The following GRIK3 variants were observed in gnomAD, a reference collection of about 807,000 sequenced individuals.
The protein encoded by GRIK3 is glutamate ionotropic receptor kainate type subunit 3, also known as glutamate receptor ionotropic, kainate 3.
In GRIK3, 29 loss-of-function variants were observed where a neutral mutation model predicts 102.5. That is an observed-to-expected ratio of 0.28 (90% CI 0.21 to 0.39). GRIK3 has a LOEUF of 0.39. Ranked by LOEUF, GRIK3 falls within the 10% of genes least tolerant of loss-of-function variation. GRIK3 has a pLI of 1.00. For missense variants in GRIK3, 908 were observed against 1,252.4 expected, an observed-to-expected ratio of 0.73 and a Z score of 4.15; for synonymous variants, 511 against 504.9, an observed-to-expected ratio of 1.01 and a Z score of -0.16.
chr1:36,829,402 GT>G (rs1310209319), intron 10 of GRIK3, among the ~76,000 whole-genome samples: 2 of 149,864 alleles, frequency 1.3e-5, no homozygotes, highest in Non-Finnish European at 3.0e-5. Flanking sequence ...GGTTTTTATT[GT>G]TTTTTGTTTT....
chr1:36,845,907 T>C (rs932913652), intron 9 of GRIK3, among the ~76,000 whole-genome samples: 2 of 152,118 alleles, frequency 1.3e-5, no homozygotes, highest in Non-Finnish European at 2.9e-5. Flanking sequence ...TGGCAGGCAA[T>C]TGAGCCTATG....
chr1:37,007,929 C>T (rs1262217247), intron 1 of GRIK3, among the ~76,000 whole-genome samples: 2 of 152,316 alleles, frequency 1.3e-5, no homozygotes, highest in South Asian at 2.1e-4. Context: ...CAGAAGCCAC[C>T]GCCTGTGCTG....
chr1:36,901,194 A>G (rs1437457205), intron 1 of GRIK3, among the ~76,000 whole-genome samples: 5 of 152,216 alleles, frequency 3.3e-5, no homozygotes, highest in Non-Finnish European at 7.4e-5. Flanking sequence ...CAAGGCCAGC[A>G]CTACTCTAAT....
intron 1 of GRIK3, among the ~76,000 whole-genome samples, chr1:36,932,543 C>A (rs1225189583): frequency 1.3e-5 from 2 of 152,206 alleles, no homozygotes; most frequent in Admixed American, 1.3e-4. Context: ...ACCACAGAGG[C>A]AACACTCCCA....
chr1:37,014,719 C>T (rs961407669), intron 1 of GRIK3, among the ~76,000 whole-genome samples: 2 of 152,184 alleles, frequency 1.3e-5, no homozygotes, highest in African/African-American at 4.8e-5. Context: ...ACAGTTATCC[C>T]AATTGGGCTC....
At chr1:36,975,528 T>A (rs1018702993) in intron 1 of GRIK3, among the ~76,000 whole-genome samples, 1 of 152,196 alleles carries the variant, frequency 6.6e-6, no homozygotes, top group Non-Finnish European at 1.5e-5. Flanking sequence ...TCTCCGGACC[T>A]CGTGATCTCC....
At chr1:36,982,791 G>T (rs1178540633) in intron 1 of GRIK3, among the ~76,000 whole-genome samples, 1 of 151,036 alleles carries the variant, frequency 6.6e-6, no homozygotes, top group Non-Finnish European at 1.5e-5. Flanking sequence ...GAGGCCGGGA[G>T]AGGGAGGGAA....
intron 10 of GRIK3, among the ~76,000 whole-genome samples, chr1:36,828,537 G>A (rs1642780674): frequency 6.6e-6 from 1 of 152,220 alleles, no homozygotes. Flanking sequence ...TATAGCTGAA[G>A]TGTGTAGTAG....
At chr1:37,009,927 T>C (rs918695817) in intron 1 of GRIK3, among the ~76,000 whole-genome samples, 2 of 151,842 alleles carry the variant, frequency 1.3e-5, no homozygotes, top group African/African-American at 4.8e-5. Flanking sequence ...CTATGCCCTG[T>C]TAATGGGAGA....
intron 1 of GRIK3, among the ~76,000 whole-genome samples, chr1:36,941,924 C>G (rs539657796): frequency 6.6e-6 from 1 of 152,204 alleles, no homozygotes; most frequent in African/African-American, 2.4e-5. Flanking sequence ...CTATCCCCCC[C>G]TCACCCTGCC....
intron 2 of GRIK3, among the ~76,000 whole-genome samples, chr1:36,886,081 C>G (rs918741654): frequency 6.6e-6 from 1 of 152,240 alleles, no homozygotes; most frequent in Non-Finnish European, 1.5e-5. Flanking sequence ...CACAGACACT[C>G]TCTGCGCTGC....
rs140963144 is a variant in GRIK3, at chr1:36,930,181, C to T, written c.116-39085G>A. 8.4e-3 allele frequency among the ~76,000 whole-genome samples: 1,283 copies of T among 152,250 alleles called. 23 individuals carry two copies. Among genetic ancestry groups the T allele is most frequent in the African/African-American group, 0.029 (1,220 of 41,550 alleles). Reference sequence around the variant, plus strand: ...ATGTGGAAGAGGAATTATAAGGACACGAATACCAGGGGGAAGGATCAATGT... The same window carrying T: ...ATGTGGAAGAGGAATTATAAGGACATGAATACCAGGGGGAAGGATCAATGT... On this transcript the variant is annotated intron_variant, in intron 1 of 15. Transcript: ENST00000373091.
At chr1:36,887,028 A>T (rs1327918940) in intron 2 of GRIK3, among the ~76,000 whole-genome samples, 1 of 152,206 alleles carries the variant, frequency 6.6e-6, no homozygotes, top group Non-Finnish European at 1.5e-5. Context: ...CTAACTTTTG[A>T]TTATTACCAT....
intron 1 of GRIK3, among the ~76,000 whole-genome samples, chr1:36,978,104 G>A (rs1257737097): frequency 1.3e-5 from 2 of 152,238 alleles, no homozygotes; most frequent in Non-Finnish European, 2.9e-5. Flanking sequence ...GAAAAATTAA[G>A]TATGTTCATT....
chr1:36,880,661 C>T lies in GRIK3; in HGVS notation c.523G>A (p.Ala175Thr), dbSNP rs1326119436. The T allele has an allele frequency of 6.2e-7, 1 of 1,614,030 alleles. No individual in the cohort carries two copies. The highest frequency in any genetic ancestry group is 2.2e-5 in the East Asian group (1 of 44,892). Residue 175 changes from alanine (A) to threonine (T), a missense_variant, in exon 3 of 16, where the codon GCC (alanine) becomes ACC (threonine). Transcript: ENST00000373091. The surrounding 1 kb of genome is among the most constrained non-coding windows in gnomAD (Gnocchi z 5.4). ...DLVQYLKWRS[A>T]TVVYDDSTGL... ...GTACTGTCGTCATAGACCACGGTGG[C>T]TGACCGCCACTTGAGGTACTGGACC...
intron 1 of GRIK3, among the ~76,000 whole-genome samples, chr1:36,942,337 C>T (rs1041394745): frequency 3.3e-5 from 5 of 152,228 alleles, no homozygotes; most frequent in Non-Finnish European, 7.3e-5. Context: ...CTGATAGCAG[C>T]GTCTGCCAGC....
At chr1:37,032,525 C>A (rs1339826295) in intron 1 of GRIK3, among the ~76,000 whole-genome samples, 1 of 152,082 alleles carries the variant, frequency 6.6e-6, no homozygotes, top group Non-Finnish European at 1.5e-5. Flanking sequence ...TGGAATGGTG[C>A]CAGGCTGGGC....
intron 1 of GRIK3, among the ~76,000 whole-genome samples, chr1:36,945,680 G>T (rs887375796): frequency 5.3e-5 from 8 of 152,286 alleles, no homozygotes; most frequent in Admixed American, 2.0e-4. Context: ...GGCTTCAAAG[G>T]TTCTTTTGGT....
chr1:36,944,889 C>G (rs1030131787), intron 1 of GRIK3, among the ~76,000 whole-genome samples: 1 of 152,208 alleles, frequency 6.6e-6, no homozygotes, highest in Non-Finnish European at 1.5e-5. Context: ...GTCTAGCGAA[C>G]AGTGGCTTGT....
Sources: gnomAD v4.1 joint callset for allele counts (sites outside exome capture counted in the v4.1 genomes callset) on GRCh38, gnomAD v4.1.1 for gene constraint, Gnocchi (gnomAD v3.1) non-coding constraint, MANE v1.5 for transcripts, NCBI Gene and HGNC (gene_info 2026-07-23, HGNC 2026-07-21) for gene names.